Variants in PAM observed in about 807,000 individuals in gnomAD.
PAM encodes the protein peptidylglycine alpha-amidating monooxygenase, also known as peptidyl-glycine alpha-amidating monooxygenase.
In PAM, 72 loss-of-function variants were observed where a neutral mutation model predicts 122.1. That is an observed-to-expected ratio of 0.59 (90% confidence interval 0.49 to 0.72). The LOEUF (loss-of-function observed/expected upper bound fraction) is 0.72, where lower values mean the gene tolerates loss of function less well. Among genes scored for constraint, PAM ranks in the 30% least tolerant of loss-of-function variants. The pLI is 0.00. For missense variants in PAM, 1,106 were observed against 1,183.7 expected, an observed-to-expected ratio of 0.93 and a Z score of 0.96; for synonymous variants, 389 against 404.4, an observed-to-expected ratio of 0.96 and a Z score of 0.46.
chr5:102,910,813 G>A (rs1801175861), intron 4 of PAM, among the ~76,000 whole-genome samples: 1 of 151,742 alleles, frequency 6.6e-6, no homozygotes, highest in African/African-American at 2.4e-5. Context: ...GGGTGAAAAA[G>A]AAAAGAGACA....
intron 15 of PAM, among the ~76,000 whole-genome samples, chr5:102,986,155 C>A (rs1298580642): frequency 6.6e-6 from 1 of 152,110 alleles, no homozygotes; most frequent in African/African-American, 2.4e-5. Context: ...GAAAGCCTTT[C>A]CTTTAAGAAG....
intron 3 of PAM, among the ~76,000 whole-genome samples, chr5:102,869,138 C>T (rs1364347169): frequency 6.6e-6 from 1 of 152,184 alleles, no homozygotes; most frequent in Non-Finnish European, 1.5e-5. Flanking sequence ...GAGCTTCCTA[C>T]CCAGACTCCA....
At chr5:102,948,772 T>C (rs927536256) in intron 9 of PAM, among the ~76,000 whole-genome samples, 12 of 152,066 alleles carry the variant, frequency 7.9e-5, no homozygotes, top group African/African-American at 1.7e-4. Flanking sequence ...TAATGAGCAG[T>C]GACATAAACT....
At chr5:102,846,346 C>G (rs1779943488) in intron 1 of PAM, among the ~76,000 whole-genome samples, 1 of 152,164 alleles carries the variant, frequency 6.6e-6, no homozygotes, top group African/African-American at 2.4e-5. Context: ...GGCTCCTGCC[C>G]TTTTCTCTGG....
intron 15 of PAM, among the ~76,000 whole-genome samples, chr5:102,979,109 G>A (rs1465802117): frequency 6.6e-6 from 1 of 151,456 alleles, no homozygotes; most frequent in African/African-American, 2.4e-5. Flanking sequence ...ATAGGAAGAT[G>A]ATTTTTTCTA....
intron 5 of PAM, among the ~76,000 whole-genome samples, chr5:102,919,983 CA>C (rs1287779136): frequency 6.6e-6 from 1 of 152,038 alleles, no homozygotes; most frequent in African/African-American, 2.4e-5. Context: ...TTTTTCCTCA[CA>C]AGACTAGTAC....
At chr5:103,028,767 T>A in intron 25 of PAM, 120 bp from the exon 26 acceptor site, 1 of 633,094 alleles carries the variant, frequency 1.6e-6, no homozygotes, top group Non-Finnish European at 2.7e-6. Context: ...ATTTTATTTT[T>A]AAATAAAATA....
chr5:103,012,326 A>G (rs1293801035), intron 21 of PAM, among the ~76,000 whole-genome samples: 1 of 152,156 alleles, frequency 6.6e-6, no homozygotes, highest in Non-Finnish European at 1.5e-5. Context: ...TATTACTCAA[A>G]ACAATTTTGC....
intron 1 of PAM, among the ~76,000 whole-genome samples, chr5:102,772,139 A>G (rs1019701256): frequency 1.7e-4 from 26 of 152,140 alleles, no homozygotes; most frequent in African/African-American, 6.0e-4. Flanking sequence ...CACTTCATAC[A>G]GTGTGGTGGT....
In PAM at chr5:103,010,001, T is replaced by C. The variant is rs79948664; in HGVS notation, c.2331+135T>C. 5.2e-3 allele frequency: 1,922 copies of C among 372,050 alleles called. 29 individuals carry two copies. The highest frequency in any genetic ancestry group is 0.038 in the African/African-American group (1,795 of 47,000). The allele number at this position is 372,050 out of a possible 1,614,324, so 23.0% of individuals were successfully genotyped here. ...GTGATAACTTTCTTAGCAAGGTTGA[T>C]GGGAGTGTTCTATTTTATTTTTTAT... is the stretch of plus-strand genomic sequence containing the variant. On this transcript the variant is annotated intron_variant, in intron 21 of 25. Transcript: ENST00000438793.
chr5:102,979,503 A>T (rs986425022), intron 15 of PAM, among the ~76,000 whole-genome samples: 14 of 152,064 alleles, frequency 9.2e-5, no homozygotes, highest in Admixed American at 5.2e-4. Context: ...AGCAAGCACC[A>T]TATTTTGTTT....
intron 3 of PAM, among the ~76,000 whole-genome samples, chr5:102,879,223 C>T (rs1442256399): frequency 2.6e-5 from 4 of 152,224 alleles, no homozygotes; most frequent in African/African-American, 9.6e-5. Context: ...TGAGCCACCA[C>T]ACCCAACCAG....
At chr5:102,787,694 G>C (rs572881266) in intron 1 of PAM, among the ~76,000 whole-genome samples, 1 of 151,942 alleles carries the variant, frequency 6.6e-6, no homozygotes, top group African/African-American at 2.4e-5. Flanking sequence ...ACTTCCTAGG[G>C]GACCCGTAGT....
intron 3 of PAM, among the ~76,000 whole-genome samples, chr5:102,886,807 T>G (rs1793260236): frequency 6.6e-6 from 1 of 152,108 alleles, no homozygotes; most frequent in South Asian, 2.1e-4. Flanking sequence ...GAAGCCAGCT[T>G]CTGTCTGTCC....
At chr5:102,772,517 G>A (rs554179660) in intron 1 of PAM, among the ~76,000 whole-genome samples, 3 of 152,194 alleles carry the variant, frequency 2.0e-5, no homozygotes, top group Admixed American at 2.0e-4. Context: ...GGATGCTTGT[G>A]CAATTCAAGA....
At chr5:102,961,368 C>T (rs1177097321) in intron 14 of PAM, 139 bp downstream of exon 14, 5 of 527,630 alleles carry the variant, frequency 9.5e-6, no homozygotes, top group Non-Finnish European at 1.8e-5. Flanking sequence ...TTATACAATG[C>T]ATAATTCATG....
intron 3 of PAM, among the ~76,000 whole-genome samples, chr5:102,880,928 A>G (rs1423750466): frequency 6.6e-6 from 1 of 152,076 alleles, no homozygotes; most frequent in Non-Finnish European, 1.5e-5. Context: ...GCCAAAAATT[A>G]TGCATTATTA....
At position 102,829,017 on chromosome 5, in the gene PAM, G is replaced by A. The variant is rs191380750; in HGVS notation, c.-373-36806G>A. On this transcript the variant is annotated intron_variant, in intron 1 of 25. Transcript: ENST00000438793. ...AATCCTCATCTCAGCTTCCCGAGAA[G>A]CTGGGACTGCAATCATAGGGTTATT... Among the ~76,000 whole-genome samples the A allele has an allele frequency of 2.7e-5, 4 of 149,378 alleles. No homozygotes were observed. The Admixed American group carries it at 2.7e-4, about 10-fold the overall frequency.
At chr5:102,931,824 C>CTT (rs1415428891) in intron 7 of PAM, among the ~76,000 whole-genome samples, 1 of 151,918 alleles carries the variant, frequency 6.6e-6, no homozygotes, top group Non-Finnish European at 1.5e-5. Context: ...CTCTCTCTCT[C>CTT]TCTCTCTCTG....
Sources: gnomAD v4.1 joint callset for allele counts (sites outside exome capture counted in the v4.1 genomes callset) on GRCh38, gnomAD v4.1.1 for gene constraint, MANE v1.5 for transcripts, NCBI Gene and HGNC (gene_info 2026-07-23, HGNC 2026-07-21) for gene names.